Variants in CLSTN2 observed in about 807,000 individuals in gnomAD.
The protein encoded by CLSTN2 is calsyntenin-2.
A neutral mutation model predicts 101.2 loss-of-function variants in CLSTN2; 48 were observed. That is an observed-to-expected ratio of 0.47 (90% CI 0.38 to 0.60). The LOEUF (loss-of-function observed/expected upper bound fraction) is 0.60. Among genes scored for constraint, CLSTN2 ranks in the 20% least tolerant of loss-of-function variants. CLSTN2 has a pLI of 0.00. For synonymous variants in CLSTN2, 481 were observed against 463.6 expected, an observed-to-expected ratio of 1.04 and a Z score of -0.48; for missense variants, 1,160 against 1,238.2, an observed-to-expected ratio of 0.94 and a Z score of 0.95.
intron 1 of CLSTN2, among the ~76,000 whole-genome samples, chr3:140,148,275 G>A (rs1231340583): frequency 2.0e-5 from 3 of 152,196 alleles, no homozygotes; most frequent in Non-Finnish European, 4.4e-5. Flanking sequence ...ACCAAGGAGA[G>A]CTCAGAGAAC....
chr3:140,457,036 G>A (rs190456070), intron 6 of CLSTN2, among the ~76,000 whole-genome samples: 24 of 152,248 alleles, frequency 1.6e-4, no homozygotes, highest in Admixed American at 9.2e-4. Flanking sequence ...ATTAATTGAA[G>A]TGTGAATTCT....
At chr3:140,415,090 T>C (rs1011713649) in intron 4 of CLSTN2, among the ~76,000 whole-genome samples, 3 of 151,052 alleles carry the variant, frequency 2.0e-5, no homozygotes, top group African/African-American at 7.3e-5. Context: ...TGGAAAAGAA[T>C]AGACTTGTGA....
chr3:140,189,112 T>A (rs936542577), intron 2 of CLSTN2, among the ~76,000 whole-genome samples: 3 of 152,236 alleles, frequency 2.0e-5, no homozygotes, highest in African/African-American at 7.2e-5. Flanking sequence ...TAGTCTGTCC[T>A]TTTTATTGTT....
chr3:140,086,933 C>A (rs952800694), intron 1 of CLSTN2, among the ~76,000 whole-genome samples: 5 of 152,172 alleles, frequency 3.3e-5, no homozygotes, highest in Non-Finnish European at 7.3e-5. Flanking sequence ...TTTAACTTGG[C>A]ACTATGATAG....
intron 4 of CLSTN2, among the ~76,000 whole-genome samples, chr3:140,419,292 G>T (rs1415961309): frequency 1.3e-5 from 2 of 149,804 alleles, no homozygotes; most frequent in Non-Finnish European, 3.0e-5. Flanking sequence ...AGACCAGCCT[G>T]GCCAACATGG....
chr3:140,532,253 T>C (rs1275875291), intron 8 of CLSTN2, 71 bp from the exon 9 acceptor site: 3 of 1,307,762 alleles, frequency 2.3e-6, no homozygotes, highest in Admixed American at 2.1e-5. Context: ...TCTCCTTTCA[T>C]AGAGTAAAAG....
At chr3:140,525,781 A>G (rs1016487665) in intron 8 of CLSTN2, among the ~76,000 whole-genome samples, 14 of 152,300 alleles carry the variant, frequency 9.2e-5, no homozygotes, top group Non-Finnish European at 2.9e-5. Flanking sequence ...ACACATGCAA[A>G]TCTATAAATG....
chr3:140,481,308 C>G (rs560044809), intron 8 of CLSTN2, among the ~76,000 whole-genome samples: 5 of 152,282 alleles, frequency 3.3e-5, no homozygotes, highest in Non-Finnish European at 5.9e-5. Flanking sequence ...TGGTCTATAT[C>G]TCTGTTTTGG....
At chr3:140,192,552 C>T (rs559892765) in intron 2 of CLSTN2, among the ~76,000 whole-genome samples, 1 of 152,004 alleles carries the variant, frequency 6.6e-6, no homozygotes, top group South Asian at 2.1e-4. Context: ...TACAATGTCA[C>T]TCTCTGTCTC....
At position 140,571,679 on chromosome 3, in the gene CLSTN2, A is replaced by G. The variant is rs543714683; in HGVS notation, c.*5426A>G. 6.6e-6 allele frequency: 1 copy of G among 152,306 alleles called. No homozygotes were observed. The highest frequency in any genetic ancestry group is 1.9e-4 in the East Asian group (1 of 5,178). 9.4% of individuals were successfully genotyped at this position (152,306 alleles called of 1,614,324 possible). Reference sequence around the variant, plus strand: ...ATGAGCAATGAAAGTTTTGAAGTCTACCCCAGTACCCTCATTTCCTGTCTT... The same window carrying G: ...ATGAGCAATGAAAGTTTTGAAGTCTGCCCCAGTACCCTCATTTCCTGTCTT... On this transcript the variant is annotated 3_prime_UTR_variant, in exon 17 of 17. Coordinates refer to ENST00000458420, the MANE Select transcript of CLSTN2 (RefSeq NM_022131.3).
At chr3:140,393,080 C>T (rs1042512397) in intron 2 of CLSTN2, among the ~76,000 whole-genome samples, 6 of 152,108 alleles carry the variant, frequency 3.9e-5, no homozygotes, top group South Asian at 4.1e-4. Context: ...AGAGCCCTCC[C>T]GACCCAATCA....
At chr3:140,363,774 A>G (rs1035353203) in intron 2 of CLSTN2, among the ~76,000 whole-genome samples, 18 of 152,202 alleles carry the variant, frequency 1.2e-4, no homozygotes, top group Non-Finnish European at 2.1e-4. Context: ...ACAAGATCCA[A>G]GTTGGGTTTC....
chr3:140,275,106 T>G (rs1371877959), intron 2 of CLSTN2, among the ~76,000 whole-genome samples: 1 of 152,170 alleles, frequency 6.6e-6, no homozygotes, highest in Non-Finnish European at 1.5e-5. Flanking sequence ...GAAATCCAGT[T>G]TCCTAGCCTC....
chr3:140,419,140 G>T (rs796926062), intron 4 of CLSTN2, among the ~76,000 whole-genome samples: 43 of 151,904 alleles, frequency 2.8e-4, no homozygotes, highest in African/African-American at 1.0e-3. Context: ...GCAGTTAGAA[G>T]AAAGCTCATT....
intron 2 of CLSTN2, among the ~76,000 whole-genome samples, chr3:140,207,268 T>C (rs369796455): frequency 1.2e-4 from 19 of 152,206 alleles, no homozygotes; most frequent in Admixed American, 3.3e-4. Flanking sequence ...TGTCCCAGAA[T>C]CATTATGTAT....
chr3:140,447,685 A>G (rs189586274), intron 5 of CLSTN2, among the ~76,000 whole-genome samples: 2 of 152,348 alleles, frequency 1.3e-5, no homozygotes, highest in Admixed American at 1.3e-4. Context: ...AGATCCTTGA[A>G]CAACCATGCT....
intron 1 of CLSTN2, among the ~76,000 whole-genome samples, chr3:140,135,708 A>G: frequency 6.6e-6 from 1 of 152,172 alleles, no homozygotes; most frequent in African/African-American, 2.4e-5. Context: ...TAGGGACACT[A>G]GTCTGGTGGA....
chr3:140,478,369 A>G (rs1934032826), intron 8 of CLSTN2, among the ~76,000 whole-genome samples: 1 of 152,162 alleles, frequency 6.6e-6, no homozygotes, highest in South Asian at 2.1e-4. Context: ...TTTAACAGGT[A>G]AATAGTCTGT....
intron 3 of CLSTN2, 152 bp from the exon 4 acceptor site, chr3:140,404,406 G>A (rs2107979177): frequency 1.5e-6 from 1 of 671,302 alleles, no homozygotes; most frequent in Non-Finnish European, 2.7e-6. Context: ...CCAGTGAGAG[G>A]GAGGATGGGA....
Sources: gnomAD v4.1 joint callset for allele counts (sites outside exome capture counted in the v4.1 genomes callset) on GRCh38, gnomAD v4.1.1 for gene constraint, MANE v1.5 for transcripts, NCBI Gene and HGNC (gene_info 2026-07-23, HGNC 2026-07-21) for gene names.